IGDCC3: variants seen among roughly 807,000 people sequenced by gnomAD.
The protein encoded by IGDCC3 is putative neuronal cell adhesion molecule.
In IGDCC3, 47 loss-of-function variants were observed where a neutral mutation model predicts 72.0. That is an observed-to-expected ratio of 0.65 (90% CI 0.52 to 0.83). IGDCC3 has a LOEUF of 0.83. Ranked by LOEUF, IGDCC3 falls within the 40% of genes least tolerant of loss-of-function variation. The pLI is 0.00. For synonymous variants in IGDCC3, 477 were observed against 472.8 expected (o/e 1.01, Z -0.11); for missense variants, 1,038 against 1,091.3 (o/e 0.95, Z 0.69).
chr15:65,358,029 T>G (rs775588767), intron 2 of IGDCC3, among the ~76,000 whole-genome samples: 2 of 152,070 alleles, frequency 1.3e-5, no homozygotes, highest in Non-Finnish European at 2.9e-5. Flanking sequence ...GGGAGAGGCT[T>G]AAAGCCCCCA....
rs150398662 is a variant in IGDCC3, at chr15:65,340,783, C to T, written c.410-4827G>A. Reference sequence around the variant, plus strand: ...TCACTCTATCACCTAGGCTGCAGTGCAGTGGTGAGATCTCAGCTCACTGCA... The same window carrying T: ...TCACTCTATCACCTAGGCTGCAGTGTAGTGGTGAGATCTCAGCTCACTGCA... On this transcript the variant is annotated intron_variant, in intron 2 of 13. Transcript: ENST00000327987. Among the ~76,000 whole-genome samples, 172 of 152,316 alleles carry T rather than the reference C, an allele frequency of 1.1e-3. 1 individual carries two copies. In the East Asian group the frequency reaches 0.026, roughly 23 times the overall value.
rs1187760317 is a variant in IGDCC3, at chr15:65,327,687, G to A, written c.*1222C>T. 6.6e-6 allele frequency: 1 copy of A among 152,628 alleles called. No homozygotes were observed. The highest frequency in any genetic ancestry group is 1.9e-4 in the East Asian group (1 of 5,188). The allele number at this position is 152,628 out of a possible 1,614,324, so 9.5% of individuals were successfully genotyped here. On this transcript the variant is annotated 3_prime_UTR_variant, in exon 14 of 14. Transcript: ENST00000327987. ...AAGAACATAACCCTTAACACACCTT[G>A]TATAAAAATAGCTTCCGGCCATGGC...
chr15:65,327,167 A>G lies in IGDCC3; in HGVS notation c.*1742T>C, dbSNP rs2090925220. On this transcript the variant is annotated 3_prime_UTR_variant, in exon 14 of 14. Coordinates refer to ENST00000327987, the MANE Select transcript of IGDCC3 (RefSeq NM_004884.4). ...GGACTTTTATTCAGTCAAAATGAGC[A>G]GAGTGTGACAAAACCCAAGTAAGGC... 1.3e-5 allele frequency: 2 copies of G among 152,734 alleles called. No individual in the cohort carries two copies. Among genetic ancestry groups the G allele is most frequent in the South Asian group, 4.1e-4 (2 of 4,838 alleles). 9.5% of individuals were successfully genotyped at this position (152,734 alleles called of 1,614,324 possible). A position where few individuals can be genotyped will look rare whatever the true frequency, so the allele number is the denominator to read the frequency against.
chr15:65,329,505 G>A lies in IGDCC3; in HGVS notation c.2090C>T (p.Ala697Val), dbSNP rs142373989. 3.3e-5 allele frequency: 53 copies of A among 1,607,296 alleles called. No individual in the cohort carries two copies. The highest frequency in any genetic ancestry group is 8.1e-5 in the African/African-American group (6 of 74,302). The change falls in exon 13 of 14, where the codon GCG becomes GTG. Residue 697 changes from alanine (A) to valine (V), a missense_variant. Coordinates refer to ENST00000327987, the MANE Select transcript of IGDCC3 (RefSeq NM_004884.4). This position sits in a 1 kb window ranked among gnomAD's most constrained non-coding sequence, Gnocchi z 4.1. ...RDPGILALNG[A>V]RRGQRGQLGR... is the part of the protein sequence containing the mutation. The stretch of plus-strand genomic sequence containing the variant: ...CAGCTGGCCCCGCTGTCCCCGTCTC[G>A]CCCCATTTAGGGCTAGAATGCCAGG...
intron 2 of IGDCC3, among the ~76,000 whole-genome samples, chr15:65,361,668 A>T (rs604893): frequency 0.47 from 70,548 of 151,688 alleles, 16,987 homozygotes; most frequent in African/African-American, 0.6. Context: ...GGATGCTGGG[A>T]GCCCGGGAAG....
At chr15:65,372,987 G>A (rs2091336433) in intron 2 of IGDCC3, among the ~76,000 whole-genome samples, 1 of 152,140 alleles carries the variant, frequency 6.6e-6, no homozygotes, top group South Asian at 2.1e-4. Context: ...GCTGTCTCCA[G>A]GACCCCAAAG....
intron 4 of IGDCC3, 50 bp downstream of exon 4, chr15:65,335,241 A>G (rs1423357444): frequency 1.3e-6 from 2 of 1,565,264 alleles, no homozygotes; most frequent in Admixed American, 1.8e-5. Context: ...GGTAGGGAGG[A>G]GGAGGAGGCC....
At chr15:65,372,160 C>T (rs955022112) in intron 2 of IGDCC3, among the ~76,000 whole-genome samples, 1 of 152,152 alleles carries the variant, frequency 6.6e-6, no homozygotes, top group Non-Finnish European at 1.5e-5. Flanking sequence ...GTGCCGGCTC[C>T]CGTTACTCAG....
intron 5 of IGDCC3, 38 bp from the exon 6 acceptor site, chr15:65,333,453 A>G (rs984858631): frequency 1.9e-6 from 3 of 1,547,844 alleles, no homozygotes; most frequent in East Asian, 4.7e-5. Context: ...TGAGGGTCAG[A>G]TAGAGATATG....
chr15:65,373,091 A>AT (rs1004463217), intron 2 of IGDCC3, among the ~76,000 whole-genome samples: 2 of 152,220 alleles, frequency 1.3e-5, no homozygotes, highest in African/African-American at 2.4e-5. Context: ...ATTACCATTT[A>AT]TAAAAAAAAG....
At chr15:65,364,814 G>C (rs2091280692) in intron 2 of IGDCC3, among the ~76,000 whole-genome samples, 1 of 152,206 alleles carries the variant, frequency 6.6e-6, no homozygotes, top group Non-Finnish European at 1.5e-5. Context: ...CCAGGAAGTT[G>C]AGGCTGCCCT....
At chr15:65,342,399 A>C (rs183103486) in intron 2 of IGDCC3, among the ~76,000 whole-genome samples, 28 of 152,212 alleles carry the variant, frequency 1.8e-4, no homozygotes, top group African/African-American at 6.3e-4. Context: ...AAAAAAAAAA[A>C]AATTAGAATT....
intron 2 of IGDCC3, among the ~76,000 whole-genome samples, chr15:65,347,306 G>A (rs2091132440): frequency 6.6e-6 from 1 of 152,194 alleles, no homozygotes; most frequent in Non-Finnish European, 1.5e-5. Context: ...AGAGAGGCAG[G>A]CTGAGATCAG....
At chr15:65,375,437 G>T in intron 1 of IGDCC3, 35 bp from the exon 2 acceptor site, 1 of 1,528,166 alleles carries the variant, frequency 6.5e-7, no homozygotes, top group Non-Finnish European at 8.9e-7. Context: ...AGGAAATAGG[G>T]GTGTTAGTAT....
chr15:65,361,028 A>G (rs558985343), intron 2 of IGDCC3, among the ~76,000 whole-genome samples: 20 of 152,260 alleles, frequency 1.3e-4, no homozygotes, highest in African/African-American at 4.3e-4. Flanking sequence ...CACCTGCCTC[A>G]GTCTCCCAAA....
rs1332926047 is a variant in IGDCC3 at position 65,334,788 on chromosome 15, C to A, written c.763G>T (p.Ala255Ser). The change falls in exon 5 of 14, where the codon GCG becomes TCG. Residue 255 changes from alanine (A) to serine (S), a missense_variant. Ala to Ser is a moderately conservative substitution (Grantham distance 99, BLOSUM62 1). Transcript: ENST00000327987. ...CCCGTGGCGACACACTCAAGCACCG[C>A]GGTCTGGTGCACTGTCAGGGTGAGG... The part of the protein sequence containing the change: ...ENLTLTVHQT[A>S]VLECVATGNP... 4 of 1,610,964 alleles carry A rather than the reference C, an allele frequency of 2.5e-6. No individual in the cohort carries two copies. Among genetic ancestry groups the A allele is most frequent in the Admixed American group, 1.7e-5 (1 of 59,658 alleles).
At chr15:65,357,373 C>T (rs966231904) in intron 2 of IGDCC3, among the ~76,000 whole-genome samples, 13 of 152,268 alleles carry the variant, frequency 8.5e-5, no homozygotes, top group African/African-American at 2.9e-4. Flanking sequence ...AAACCAATAG[C>T]CCTTGGTTAG....
chr15:65,333,632 C>G (rs778356560), intron 5 of IGDCC3, among the ~76,000 whole-genome samples: 1 of 152,200 alleles, frequency 6.6e-6, no homozygotes, highest in Non-Finnish European at 1.5e-5. Context: ...TGTCCTGACC[C>G]TAGCATCACC....
rs1375216493 is a variant in IGDCC3, at chr15:65,339,442, T to C, written c.410-3486A>G. Among the ~76,000 whole-genome samples, 1 of 152,228 alleles carries C rather than the reference T, an allele frequency of 6.6e-6. No individual in the cohort carries two copies. Among genetic ancestry groups the C allele is most frequent in the Non-Finnish European group, 1.5e-5 (1 of 68,032 alleles). ...GTTGCCCGGACTGGCACAGCATTTT[T>C]TTCTTTAGGAAGTTTGAGGAAAAGG... On this transcript the variant is annotated intron_variant, in intron 2 of 13. Coordinates refer to ENST00000327987, the MANE Select transcript of IGDCC3 (RefSeq NM_004884.4). The surrounding 1 kb of genome is among the most constrained non-coding windows in gnomAD (Gnocchi z 4.1).
Sources: gnomAD v4.1 joint callset for allele counts (sites outside exome capture counted in the v4.1 genomes callset) on GRCh38, gnomAD v4.1.1 for gene constraint, Gnocchi (gnomAD v3.1) non-coding constraint, MANE v1.5 for transcripts, NCBI Gene and HGNC (gene_info 2026-07-23, HGNC 2026-07-21) for gene names.